LRCH1: variants seen among roughly 807,000 people sequenced by gnomAD.
LRCH1 encodes the protein leucine rich repeats and calponin homology domain containing 1.
A neutral mutation model predicts 94.9 loss-of-function variants in LRCH1; 23 were observed. The observed-to-expected ratio is 0.24, with a 90% CI of 0.17 to 0.34. The LOEUF is 0.34. Among genes scored for constraint, LRCH1 ranks in the 10% least tolerant of loss-of-function variants. The pLI, the probability that LRCH1 is intolerant of heterozygous loss-of-function variation, is 1.00. For missense variants in LRCH1, 790 were observed against 945.9 expected (o/e 0.84, Z 2.16); for synonymous variants, 364 against 354.9 (o/e 1.03, Z -0.29).
chr13:46,659,994 C>G (rs1010188223), intron 2 of LRCH1, among the ~76,000 whole-genome samples: 2 of 148,044 alleles, frequency 1.4e-5, no homozygotes, highest in African/African-American at 5.0e-5. Context: ...ATGATAAGAT[C>G]GGTAAAGGAA....
chr13:46,703,245 A>C (rs548473500), intron 11 of LRCH1, among the ~76,000 whole-genome samples: 1 of 152,338 alleles, frequency 6.6e-6, no homozygotes, highest in South Asian at 2.1e-4. Context: ...ATAACGAATC[A>C]GGAAGTAGTG....
chr13:46,606,122 A>G (rs1367188545), intron 1 of LRCH1, among the ~76,000 whole-genome samples: 1 of 150,058 alleles, frequency 6.7e-6, no homozygotes, highest in Non-Finnish European at 1.5e-5. Flanking sequence ...ATATCCTTTA[A>G]ATGCTCAAAC....
At chr13:46,622,703 T>G (rs561881273) in intron 1 of LRCH1, among the ~76,000 whole-genome samples, 32 of 152,338 alleles carry the variant, frequency 2.1e-4, no homozygotes, top group African/African-American at 6.5e-4. Context: ...TTCTATTTTT[T>G]GGGGCTAGTT....
At chr13:46,726,206 C>A (rs1430181388) in intron 17 of LRCH1, among the ~76,000 whole-genome samples, 1 of 152,090 alleles carries the variant, frequency 6.6e-6, no homozygotes, top group Admixed American at 6.6e-5. Context: ...CATACTTTGC[C>A]CTATTCTTCC....
At chr13:46,601,004 G>A (rs2050621943) in intron 1 of LRCH1, among the ~76,000 whole-genome samples, 1 of 152,214 alleles carries the variant, frequency 6.6e-6, no homozygotes, top group African/African-American at 2.4e-5. Flanking sequence ...TGCTGAGCAG[G>A]TTGAATGTTC....
At chr13:46,701,272 T>C in intron 11 of LRCH1, 65 bp downstream of exon 11, 1 of 1,189,854 alleles carries the variant, frequency 8.4e-7, no homozygotes, top group East Asian at 2.4e-5. Context: ...TGGAGTACAT[T>C]GTCTAAATTC....
At chr13:46,582,326 T>C (rs1381158357) in intron 1 of LRCH1, among the ~76,000 whole-genome samples, 1 of 147,928 alleles carries the variant, frequency 6.8e-6, no homozygotes, top group East Asian at 2.0e-4. Context: ...AGGACCTTTG[T>C]TACAAGTCAC....
intron 1 of LRCH1, among the ~76,000 whole-genome samples, chr13:46,628,291 C>T (rs1439506122): frequency 6.6e-6 from 1 of 151,988 alleles, no homozygotes; most frequent in Non-Finnish European, 1.5e-5. Flanking sequence ...ATGAAACACA[C>T]CAAGACGTTT....
intron 1 of LRCH1, among the ~76,000 whole-genome samples, chr13:46,616,405 A>T (rs1594288474): frequency 1.3e-5 from 2 of 152,096 alleles, no homozygotes; most frequent in Non-Finnish European, 2.9e-5. Context: ...TCTCCCCTTA[A>T]CCTGACAGCA....
At position 46,710,910 on chromosome 13, in the gene LRCH1, G is replaced by A. The variant is rs370251528; in HGVS notation, c.1528-881G>A. Among the ~76,000 whole-genome samples, 71 of 152,164 alleles carry A rather than the reference G, an allele frequency of 4.7e-4. 1 individual carries two copies. Among genetic ancestry groups the A allele is most frequent in the African/African-American group, 1.4e-3 (59 of 41,510 alleles). ...TCCCTTGTGGGCTCCTTGTTTCTGC[G>A]TGTCCCTTTCATGCTGGTTTTACAA... On this transcript the variant is annotated intron_variant, in intron 13 of 19. Coordinates refer to ENST00000389797, the MANE Select transcript of LRCH1 (RefSeq NM_001164211.2).
chr13:46,559,447 G>C (rs906740560), intron 1 of LRCH1, among the ~76,000 whole-genome samples: 1 of 151,992 alleles, frequency 6.6e-6, no homozygotes, highest in African/African-American at 2.4e-5. Context: ...CCCTGTTAAG[G>C]TATAGATAAA....
chr13:46,660,049 T>TTTTTTTTTTTTTTA (rs1430696663), intron 2 of LRCH1, among the ~76,000 whole-genome samples: 9 of 149,168 alleles, frequency 6.0e-5, no homozygotes, highest in African/African-American at 7.4e-5. Flanking sequence ...TTTTTTTTTT[T>TTTTTTTTTTTTTTA]GAGACAGGCT....
At chr13:46,554,371 C>T (rs769120373) in intron 1 of LRCH1, among the ~76,000 whole-genome samples, 1 of 152,256 alleles carries the variant, frequency 6.6e-6, no homozygotes, top group Non-Finnish European at 1.5e-5. Context: ...AGTCGGCTGC[C>T]GCTTCGGAAG....
intron 1 of LRCH1, among the ~76,000 whole-genome samples, chr13:46,581,469 A>G (rs977741910): frequency 6.6e-6 from 1 of 152,236 alleles, no homozygotes; most frequent in African/African-American, 2.4e-5. Flanking sequence ...GTACAGTAAG[A>G]ATAGCTGGCG....
chr13:46,584,238 T>C (rs1463079550), intron 1 of LRCH1, among the ~76,000 whole-genome samples: 1 of 152,160 alleles, frequency 6.6e-6, no homozygotes, highest in Admixed American at 6.5e-5. Flanking sequence ...ACTTTACATA[T>C]ATAGCTCCAT....
In LRCH1 at chr13:46,650,315, A is replaced by G. The variant is rs1477241451; in HGVS notation, c.422A>G (p.Asn141Ser). 3 of 1,606,024 alleles carry G rather than the reference A, an allele frequency of 1.9e-6. No individual in the cohort carries two copies. In the Admixed American group the frequency reaches 5.1e-5, roughly 27 times the overall value. Residue 141 changes from asparagine (N) to serine (S), a missense_variant, in exon 2 of 20, where the codon AAT (asparagine) becomes AGT (serine). Around this residue, in one of 3 missense-constraint regions of LRCH1, gnomAD observed 194 missense variants for 293.5 expected, o/e 0.66. Transcript: ENST00000389797. ...AGAGTCATTCCTGAGGCCATCGTTA[A>G]TCTGCAGATGCTGACTTACCTGAAC... is the stretch of plus-strand genomic sequence containing the variant. The part of the protein sequence containing the change: ...CIRVIPEAIV[N>S]LQMLTYLNLS...
downstream of LRCH1, among the ~76,000 whole-genome samples, chr13:46,748,578 A>G (rs7989928): frequency 0.055 from 8,342 of 152,192 alleles, 729 homozygotes; most frequent in African/African-American, 0.19. Context: ...TCATCAGGCC[A>G]CAGATATCCC....
At chr13:46,640,869 A>G (rs2051149151) in intron 1 of LRCH1, among the ~76,000 whole-genome samples, 8 of 152,246 alleles carry the variant, frequency 5.3e-5, no homozygotes, top group Admixed American at 4.6e-4. Flanking sequence ...CATATTGGAG[A>G]ATTGTTGATC....
intron 1 of LRCH1, among the ~76,000 whole-genome samples, chr13:46,577,317 C>G (rs1036213875): frequency 6.6e-6 from 1 of 152,066 alleles, no homozygotes; most frequent in African/African-American, 2.4e-5. Context: ...AGGCTGGTCT[C>G]GAACTCCTGA....
Sources: allele counts gnomAD v4.1 joint callset (sites outside exome capture counted in the v4.1 genomes callset), GRCh38; gene constraint gnomAD v4.1.1; regional missense constraint gnomAD v4.1.1; transcripts MANE v1.5; gene names NCBI Gene and HGNC (gene_info 2026-07-23, HGNC 2026-07-21).